The following AGMO variants were observed in gnomAD, a reference collection of about 807,000 sequenced individuals.
The protein encoded by AGMO is glyceryl-ether monooxygenase.
In AGMO, 75 loss-of-function variants were observed where a neutral mutation model predicts 60.2. That is an observed-to-expected ratio of 1.25 (90% CI 1.03 to 1.51). The LOEUF is 1.51. Ranked by LOEUF, AGMO falls within the 40% of genes most tolerant of loss-of-function variation. The pLI, the probability that AGMO is intolerant of heterozygous loss-of-function variation, is 0.00. For synonymous variants in AGMO, 261 were observed against 177.1 expected (o/e 1.47, Z -3.76); for missense variants, 763 against 525.5 (o/e 1.45, Z -4.42).
At chr7:15,464,730 T>G (rs532088756) in intron 3 of AGMO, among the ~76,000 whole-genome samples, 1 of 152,200 alleles carries the variant, frequency 6.6e-6, no homozygotes, top group Non-Finnish European at 1.5e-5. Flanking sequence ...CATAGTGCAT[T>G]GTGTTGTAGT....
At chr7:15,398,708 T>A (rs1030118037) in intron 5 of AGMO, among the ~76,000 whole-genome samples, 2 of 152,186 alleles carry the variant, frequency 1.3e-5, no homozygotes, top group African/African-American at 4.8e-5. Flanking sequence ...GTTATTTGTT[T>A]GTATTAATTT....
At chr7:15,518,485 A>G (rs1478896820) in intron 3 of AGMO, among the ~76,000 whole-genome samples, 7 of 152,134 alleles carry the variant, frequency 4.6e-5, no homozygotes, top group African/African-American at 2.4e-5. Context: ...GCAGGCAGCA[A>G]TCTTTGCTGT....
intron 12 of AGMO, among the ~76,000 whole-genome samples, chr7:15,250,516 T>C (rs76362676): frequency 0.015 from 2,301 of 151,500 alleles, 62 homozygotes; most frequent in African/African-American, 0.054. Context: ...TCAGAAGGAA[T>C]TGAGCCTAAA....
chr7:15,226,621 T>C (rs1782090348), intron 12 of AGMO, among the ~76,000 whole-genome samples: 1 of 152,010 alleles, frequency 6.6e-6, no homozygotes, highest in Non-Finnish European at 1.5e-5. Context: ...TAAAGAGAAA[T>C]ACTCTCTCTG....
chr7:15,174,305 C>CAAA, the AGMO span, among the ~76,000 whole-genome samples: 1 of 151,950 alleles, frequency 6.6e-6, no homozygotes, highest in African/African-American at 2.4e-5. Context: ...AACCCTTTTA[C>CAAA]CTGAGAAGTG....
intron 12 of AGMO, among the ~76,000 whole-genome samples, chr7:15,254,932 AAC>A (rs1158894092): frequency 6.6e-6 from 1 of 152,208 alleles, no homozygotes; most frequent in Non-Finnish European, 1.5e-5. Context: ...AGAAAATTTA[AAC>A]AGACTAATAA....
chr7:15,341,921 G>T (rs948190879), intron 12 of AGMO, among the ~76,000 whole-genome samples: 1 of 151,854 alleles, frequency 6.6e-6, no homozygotes, highest in African/African-American at 2.4e-5. Context: ...GGGAAAATCT[G>T]CTCTATGATT....
rs62448958 is a variant in AGMO at position 15,244,022 on chromosome 7, C to T, written c.1264-42663G>A. 7.3e-3 allele frequency among the ~76,000 whole-genome samples: 1,107 copies of T among 152,256 alleles called. 19 individuals are homozygous for T. The highest frequency in any genetic ancestry group is 6.6e-3 in the Non-Finnish European group (451 of 68,024). ...TGAAACATCCCTCCACTCTGCTGAG[C>T]TAGAAGTAATTTTGCTCTTTTGTCC... On this transcript the variant is annotated intron_variant, in intron 12 of 12. Coordinates refer to ENST00000342526, the MANE Select transcript of AGMO (RefSeq NM_001004320.2).
intron 3 of AGMO, among the ~76,000 whole-genome samples, chr7:15,478,320 G>A (rs1782650659): frequency 6.6e-6 from 1 of 152,070 alleles, no homozygotes; most frequent in African/African-American, 2.4e-5. Context: ...GTTTGTCTAT[G>A]AAACTAAAGG....
intron 3 of AGMO, among the ~76,000 whole-genome samples, chr7:15,454,718 T>C (rs992464609): frequency 7.2e-5 from 11 of 152,150 alleles, no homozygotes; most frequent in African/African-American, 2.7e-4. Context: ...TAATTATATA[T>C]ATGATCACCA....
intron 3 of AGMO, among the ~76,000 whole-genome samples, chr7:15,539,758 G>A (rs1037609972): frequency 6.6e-6 from 1 of 152,130 alleles, no homozygotes; most frequent in Non-Finnish European, 1.5e-5. Flanking sequence ...CACCAACAGT[G>A]TATAAGCATT....
intron 12 of AGMO, among the ~76,000 whole-genome samples, chr7:15,315,585 C>G (rs1780900276): frequency 6.6e-6 from 1 of 151,928 alleles, no homozygotes. Flanking sequence ...ATCTGCCCAC[C>G]TAGGCCTCCC....
intron 3 of AGMO, among the ~76,000 whole-genome samples, chr7:15,443,224 A>G (rs998354281): frequency 6.6e-6 from 1 of 152,200 alleles, no homozygotes; most frequent in African/African-American, 2.4e-5. Context: ...CAAGCTACTT[A>G]CAGACGGCAA....
At chr7:15,552,926 G>A (rs1400296879) in intron 2 of AGMO, among the ~76,000 whole-genome samples, 1 of 151,284 alleles carries the variant, frequency 6.6e-6, no homozygotes, top group African/African-American at 2.4e-5. Context: ...CAACCCAAAT[G>A]TCCAACAATG....
intron 3 of AGMO, among the ~76,000 whole-genome samples, chr7:15,458,537 T>C (rs1420831758): frequency 1.3e-5 from 2 of 152,208 alleles, no homozygotes; most frequent in Non-Finnish European, 2.9e-5. Context: ...ATATTTTACT[T>C]GTTTTCACTT....
chr7:15,560,188 A>T lies in AGMO; in HGVS notation c.210T>A (p.Asp70Glu). Residue 70 changes from aspartate to glutamate, a missense_variant, in exon 2 of 13, where the codon GAT becomes GAA. Transcript: ENST00000342526. ...ILKGKPPGRLDDALTSISAGV... is the reference protein window; with the variant it reads ...ILKGKPPGRLEDALTSISAGV... ...CAGCTGAGATTGACGTTAAAGCATCATCCAGGCGACCTGGTGGCTTTCCTT... is the reference window on the plus strand; with the variant it reads ...CAGCTGAGATTGACGTTAAAGCATCTTCCAGGCGACCTGGTGGCTTTCCTT... 1 of 1,613,288 alleles carries T rather than the reference A, an allele frequency of 6.2e-7. No individual in the cohort carries two copies. Among genetic ancestry groups the T allele is most frequent in the Non-Finnish European group, 8.5e-7 (1 of 1,179,376 alleles).
At chr7:15,441,410 C>G (rs1201733925) in intron 3 of AGMO, among the ~76,000 whole-genome samples, 1 of 152,180 alleles carries the variant, frequency 6.6e-6, no homozygotes, top group Admixed American at 6.6e-5. Flanking sequence ...GTTGTCAGCA[C>G]TAACATTAAC....
At chr7:15,494,343 C>T (rs1339835382) in intron 3 of AGMO, among the ~76,000 whole-genome samples, 3 of 152,152 alleles carry the variant, frequency 2.0e-5, no homozygotes, top group Non-Finnish European at 4.4e-5. Flanking sequence ...AGATCTAGAG[C>T]ATTATGCTTG....
chr7:15,203,152 T>C (rs1303534218), intron 12 of AGMO, among the ~76,000 whole-genome samples: 1 of 152,136 alleles, frequency 6.6e-6, no homozygotes. Context: ...TCATAAGTTG[T>C]ATATAAAGTT....
Sources: allele counts gnomAD v4.1 joint callset (sites outside exome capture counted in the v4.1 genomes callset), GRCh38; gene constraint gnomAD v4.1.1; transcripts MANE v1.5; gene names NCBI Gene and HGNC (gene_info 2026-07-23, HGNC 2026-07-21).